The following SDK1 variants were observed in gnomAD, a reference collection of about 807,000 sequenced individuals.
SDK1 encodes sidekick cell adhesion molecule 1, also known as protein sidekick-1.
In SDK1, 157 loss-of-function variants were observed where a neutral mutation model predicts 245.5. The observed-to-expected ratio is 0.64, with a 90% CI of 0.56 to 0.73. SDK1 has a LOEUF of 0.73. Ranked by LOEUF, SDK1 falls within the 30% of genes least tolerant of loss-of-function variation. The probability of loss-of-function intolerance (pLI) is 0.00; values close to 1 mark genes in which losing one functional copy is unlikely to be tolerated. For missense variants in SDK1, 3,583 were observed against 3,002.3 expected (o/e 1.19, Z -4.52); for synonymous variants, 1,647 against 1,278.5 (o/e 1.29, Z -6.15).
At chr7:3,394,340 G>C (rs1472957411) in intron 1 of SDK1, among the ~76,000 whole-genome samples, 1 of 152,094 alleles carries the variant, frequency 6.6e-6, no homozygotes, top group East Asian at 1.9e-4. Context: ...TTAAAAATCA[G>C]TGGATAATAA....
In SDK1 at chr7:3,846,268, G is replaced by A. The variant is rs183432400; in HGVS notation, c.847+24685G>A. Among the ~76,000 whole-genome samples, 175 of 152,256 alleles carry A rather than the reference G, an allele frequency of 1.1e-3. 1 individual carries two copies. The highest frequency in any genetic ancestry group is 4.0e-3 in the African/African-American group (168 of 41,538). On this transcript the variant is annotated intron_variant, in intron 5 of 44. Transcript: ENST00000404826. The stretch of plus-strand genomic sequence containing the variant: ...CTTTTGGGTATGCAGTTAATATACT[G>A]TTTAAAGGGATCTCAATAAAGATTT...
chr7:3,582,652 C>G (rs1428319924), intron 1 of SDK1, among the ~76,000 whole-genome samples: 1 of 133,812 alleles, frequency 7.5e-6, no homozygotes, highest in Non-Finnish European at 1.5e-5. Context: ...CATAACAAAC[C>G]TGCACATGTA....
chr7:3,724,880 C>A (rs1000136525), intron 4 of SDK1, among the ~76,000 whole-genome samples: 22 of 152,322 alleles, frequency 1.4e-4, no homozygotes, highest in African/African-American at 4.6e-4. Context: ...GTCACATGGC[C>A]ATGTGGCCAT....
chr7:3,750,301 G>C (rs148898072), intron 4 of SDK1, among the ~76,000 whole-genome samples: 8 of 152,292 alleles, frequency 5.3e-5, no homozygotes, highest in African/African-American at 1.9e-4. Flanking sequence ...GAGAAGAGTG[G>C]CAAGGAAACT....
intron 1 of SDK1, among the ~76,000 whole-genome samples, chr7:3,446,583 C>G (rs1583869776): frequency 6.6e-6 from 1 of 152,146 alleles, no homozygotes; most frequent in Non-Finnish European, 1.5e-5. Flanking sequence ...ATCAATTCAA[C>G]TCAATTTAAT....
At chr7:3,903,659 A>G (rs543860851) in intron 5 of SDK1, among the ~76,000 whole-genome samples, 12 of 152,344 alleles carry the variant, frequency 7.9e-5, no homozygotes, top group African/African-American at 2.9e-4. Flanking sequence ...TGTTCACTCA[A>G]AAAATGGTAC....
intron 1 of SDK1, among the ~76,000 whole-genome samples, chr7:3,571,322 G>A (rs950718703): frequency 6.6e-6 from 1 of 151,470 alleles, no homozygotes; most frequent in Non-Finnish European, 1.5e-5. Flanking sequence ...TTTTTTTTGA[G>A]ATGGGGATCT....
rs528693836 is a variant in SDK1, at chr7:3,573,493, C to T, written c.299-45587C>T. ...GGGAGCCCCCATCACAGGCTGAGGA[C>T]AACAGATGCAGCTGCCCCCTGAGAA... On this transcript the variant is annotated intron_variant, in intron 1 of 44. Transcript: ENST00000404826. Among the ~76,000 whole-genome samples the T allele has an allele frequency of 9.5e-4, 145 of 152,208 alleles. 3 individuals carry two copies. The highest frequency in any genetic ancestry group is 5.8e-3 in the South Asian group (28 of 4,820).
chr7:3,550,969 A>T (rs1200730528), intron 1 of SDK1, among the ~76,000 whole-genome samples: 1 of 152,232 alleles, frequency 6.6e-6, no homozygotes, highest in East Asian at 1.9e-4. Flanking sequence ...ATAAAGGTTT[A>T]CACAGAATGT....
At chr7:3,583,502 T>G (rs1780582911) in intron 1 of SDK1, among the ~76,000 whole-genome samples, 1 of 152,094 alleles carries the variant, frequency 6.6e-6, no homozygotes, top group Admixed American at 6.5e-5. Flanking sequence ...ACATCTGTAT[T>G]TAGATCTTGA....
intron 1 of SDK1, among the ~76,000 whole-genome samples, chr7:3,303,850 A>G (rs933834100): frequency 6.6e-6 from 1 of 152,224 alleles, no homozygotes. Flanking sequence ...GTGCTGTTAT[A>G]AGAGATTTCT....
intron 1 of SDK1, among the ~76,000 whole-genome samples, chr7:3,340,782 A>AG (rs397946680): frequency 6.7e-6 from 1 of 149,178 alleles, no homozygotes; most frequent in Non-Finnish European, 1.5e-5. Context: ...AAAAAAAAAA[A>AG]TCATCTATGA....
At position 4,229,285 on chromosome 7, in the gene SDK1, C is replaced by T. The variant is rs533136628; in HGVS notation, c.5828-3970C>T. Among the ~76,000 whole-genome samples the T allele has an allele frequency of 1.3e-4, 20 of 152,098 alleles. 1 individual carries two copies. The highest frequency in any genetic ancestry group is 3.9e-4 in the Admixed American group (6 of 15,268). Reference sequence around the variant, plus strand: ...AAATATTAGTACGAGATAAGTAGCCCGGTGAATTATAGCTAGAGTGGAAAA... The same window carrying T: ...AAATATTAGTACGAGATAAGTAGCCTGGTGAATTATAGCTAGAGTGGAAAA... On this transcript the variant is annotated intron_variant, in intron 40 of 44. Transcript: ENST00000404826.
intron 5 of SDK1, among the ~76,000 whole-genome samples, chr7:3,883,751 C>A (rs1781265278): frequency 6.7e-6 from 1 of 148,888 alleles, no homozygotes; most frequent in South Asian, 2.2e-4. Flanking sequence ...ACTCTTCCTC[C>A]ACGGTGGTTC....
intron 4 of SDK1, among the ~76,000 whole-genome samples, chr7:3,748,320 A>C (rs1006874983): frequency 9.9e-5 from 15 of 152,232 alleles, no homozygotes; most frequent in African/African-American, 3.1e-4. Flanking sequence ...TTCTCTAAAA[A>C]TGAATAGGTG....
At chr7:3,437,587 C>G (rs142256996) in intron 1 of SDK1, among the ~76,000 whole-genome samples, 1 of 151,974 alleles carries the variant, frequency 6.6e-6, no homozygotes, top group Non-Finnish European at 1.5e-5. Context: ...GCCTGGGCAA[C>G]AGCAAGACCC....
intron 1 of SDK1, among the ~76,000 whole-genome samples, chr7:3,534,954 T>A (rs1004555698): frequency 4.6e-5 from 7 of 152,148 alleles, no homozygotes; most frequent in African/African-American, 1.7e-4. Context: ...CATAATAAGA[T>A]TAGGGTGGGG....
At chr7:3,981,976 A>G (rs182921132) in intron 13 of SDK1, among the ~76,000 whole-genome samples, 1 of 152,352 alleles carries the variant, frequency 6.6e-6, no homozygotes, top group Admixed American at 6.5e-5. Context: ...TATGGGAAGA[A>G]GATACCATCT....
chr7:4,139,609 G>GTATA lies in SDK1; in HGVS notation c.4229-6112_4229-6111insATAT, dbSNP rs1413106928. On this transcript the variant is annotated intron_variant, in intron 28 of 44. Transcript: ENST00000404826. ...TGTGTGTGTATATGTATATATGTGT[G>GTATA]TGTATATGTGTGTGTGTATATGTAT... 6.1e-3 allele frequency among the ~76,000 whole-genome samples: 412 copies of GTATA among 67,012 alleles called. 38 individuals carry two copies. The highest frequency in any genetic ancestry group is 0.023 in the African/African-American group (398 of 17,426). The allele number at this position is 67,012 out of a possible 152,430, so 44.0% of individuals were successfully genotyped here. A position where few individuals can be genotyped will look rare whatever the true frequency, so the allele number is the denominator to read the frequency against.
Sources: gnomAD v4.1 joint callset for allele counts (sites outside exome capture counted in the v4.1 genomes callset) on GRCh38, gnomAD v4.1.1 for gene constraint, MANE v1.5 for transcripts, NCBI Gene and HGNC (gene_info 2026-07-23, HGNC 2026-07-21) for gene names.